PDE4B: variants seen among roughly 807,000 people sequenced by gnomAD.
PDE4B encodes 3',5'-cyclic-AMP phosphodiesterase 4B.
Under a neutral mutation model 82.2 loss-of-function variants are expected in PDE4B, and 20 were observed. The observed-to-expected ratio is 0.24, with a 90% CI of 0.17 to 0.35. PDE4B has a LOEUF of 0.35. Among genes scored for constraint, PDE4B ranks in the 10% least tolerant of loss-of-function variants. The pLI is 1.00. For missense variants in PDE4B, 655 were observed against 907.2 expected (o/e 0.72, Z 3.57); for synonymous variants, 320 against 318.9 (o/e 1.00, Z -0.04).
intron 15 of PDE4B, 80 bp from the exon 16 acceptor site, chr1:66,368,707 G>A (rs371977320): frequency 6.1e-5 from 67 of 1,099,082 alleles, no homozygotes; most frequent in East Asian, 6.1e-4. Flanking sequence ...AGTACCAAGC[G>A]TACTAGTATG....
At chr1:66,323,327 C>A (rs1659536577) in intron 7 of PDE4B, among the ~76,000 whole-genome samples, 1 of 152,246 alleles carries the variant, frequency 6.6e-6, no homozygotes, top group Admixed American at 6.5e-5. Flanking sequence ...CCAAGGCAGG[C>A]CTTCCTTCAC....
intron 3 of PDE4B, among the ~76,000 whole-genome samples, chr1:66,145,806 A>G (rs1356481167): frequency 5.9e-5 from 9 of 152,184 alleles, no homozygotes; most frequent in South Asian, 2.1e-4. Context: ...TGCTTCCCAC[A>G]GTGCATTGTT....
At chr1:66,068,869 G>A (rs984820836) in intron 3 of PDE4B, among the ~76,000 whole-genome samples, 2 of 151,962 alleles carry the variant, frequency 1.3e-5, no homozygotes, top group African/African-American at 2.4e-5. Context: ...GTAACAGATA[G>A]GTACATGTTC....
At chr1:65,835,261 TC>T (rs148532932) in intron 1 of PDE4B, among the ~76,000 whole-genome samples, 2,783 of 152,220 alleles carry the variant, frequency 0.018, 84 homozygotes, top group African/African-American at 0.064. Flanking sequence ...CTAACACTCT[TC>T]AGTTTGTGTA....
At chr1:66,186,010 G>A (rs974636827) in intron 3 of PDE4B, among the ~76,000 whole-genome samples, 1 of 152,144 alleles carries the variant, frequency 6.6e-6, no homozygotes, top group Non-Finnish European at 1.5e-5. Flanking sequence ...ATTAATTTTT[G>A]TATAAGGTGT....
At chr1:66,148,921 G>C (rs982621729) in intron 3 of PDE4B, among the ~76,000 whole-genome samples, 1 of 151,950 alleles carries the variant, frequency 6.6e-6, no homozygotes, top group Non-Finnish European at 1.5e-5. Flanking sequence ...TGAACATTTG[G>C]GTTCTTTCTA....
chr1:65,833,793 T>G (rs553663077), intron 1 of PDE4B, among the ~76,000 whole-genome samples: 1 of 152,344 alleles, frequency 6.6e-6, no homozygotes, highest in South Asian at 2.1e-4. Context: ...TTTTCAGAAA[T>G]TTTTTGAGTC....
At chr1:66,119,261 G>A (rs934888157) in intron 3 of PDE4B, among the ~76,000 whole-genome samples, 11 of 152,176 alleles carry the variant, frequency 7.2e-5, no homozygotes, top group African/African-American at 2.2e-4. Flanking sequence ...TCTTTACCAC[G>A]TAATTTGTGT....
At chr1:66,064,463 A>T (rs753794745) in intron 3 of PDE4B, among the ~76,000 whole-genome samples, 1 of 152,028 alleles carries the variant, frequency 6.6e-6, no homozygotes, top group Non-Finnish European at 1.5e-5. Flanking sequence ...AAGGAAAAAA[A>T]GGAGGCAGTC....
chr1:66,123,169 A>C (rs1645748149), intron 3 of PDE4B, among the ~76,000 whole-genome samples: 1 of 152,144 alleles, frequency 6.6e-6, no homozygotes, highest in Non-Finnish European at 1.5e-5. Flanking sequence ...GGCCCATGAA[A>C]TTTTGATTCC....
intron 16 of PDE4B, 26 bp from the exon 17 acceptor site, chr1:66,372,287 A>T (rs1251956915): frequency 2.5e-6 from 4 of 1,578,212 alleles, no homozygotes; most frequent in African/African-American, 1.4e-5. Flanking sequence ...TCACAATAAC[A>T]GATGTGTCAT....
At chr1:66,185,644 G>C (rs1647175336) in intron 3 of PDE4B, among the ~76,000 whole-genome samples, 1 of 152,166 alleles carries the variant, frequency 6.6e-6, no homozygotes, top group Non-Finnish European at 1.5e-5. Flanking sequence ...GTCTTCTTTT[G>C]AGAAGTGTCT....
chr1:65,793,273 G>T (rs1645594075), intron 1 of PDE4B, 25 bp downstream of exon 1: 1 of 152,434 alleles, frequency 6.6e-6, no homozygotes, highest in African/African-American at 2.4e-5. Context: ...GGAGGCTGCG[G>T]GTTTATTTTT....
chr1:65,862,319 G>A lies in PDE4B; in HGVS notation c.-70-50926G>A, dbSNP rs112852415. 1.8e-3 allele frequency among the ~76,000 whole-genome samples: 280 copies of A among 152,212 alleles called. 1 individual carries two copies. Among genetic ancestry groups the A allele is most frequent in the African/African-American group, 6.4e-3 (267 of 41,534 alleles). On this transcript the variant is annotated intron_variant, in intron 1 of 16. Transcript: ENST00000341517. ...CTATTGAGATAATAATATGGTTTTT[G>A]TTATTATTTCTATTTATGTGATGGA...
chr1:66,258,584 G>A (rs1300359863), intron 6 of PDE4B, among the ~76,000 whole-genome samples: 1 of 152,154 alleles, frequency 6.6e-6, no homozygotes, highest in Non-Finnish European at 1.5e-5. Context: ...GAGGACTGGA[G>A]GAGGCCTTTG....
chr1:65,996,826 G>A (rs975923685), intron 3 of PDE4B, among the ~76,000 whole-genome samples: 1 of 152,150 alleles, frequency 6.6e-6, no homozygotes, highest in African/African-American at 2.4e-5. Flanking sequence ...CATGTAATAA[G>A]TTGCAAAGTG....
At chr1:66,148,687 G>A (rs1279579436) in intron 3 of PDE4B, among the ~76,000 whole-genome samples, 5 of 151,966 alleles carry the variant, frequency 3.3e-5, no homozygotes, top group Non-Finnish European at 5.9e-5. Context: ...TTAGCCCTAG[G>A]CAATACTAAT....
At chr1:65,896,456 G>A (rs1479075747) in intron 1 of PDE4B, among the ~76,000 whole-genome samples, 2 of 152,156 alleles carry the variant, frequency 1.3e-5, no homozygotes, top group East Asian at 1.9e-4. Flanking sequence ...AGATTTGGGT[G>A]AGGACATGGC....
intron 3 of PDE4B, among the ~76,000 whole-genome samples, chr1:66,190,921 T>G (rs1647746316): frequency 6.6e-6 from 1 of 152,164 alleles, no homozygotes; most frequent in Non-Finnish European, 1.5e-5. Flanking sequence ...ACCCGTCTTC[T>G]GCGTCACTCA....
Sources: gnomAD v4.1 joint callset for allele counts (sites outside exome capture counted in the v4.1 genomes callset) on GRCh38, gnomAD v4.1.1 for gene constraint, MANE v1.5 for transcripts, NCBI Gene and HGNC (gene_info 2026-07-23, HGNC 2026-07-21) for gene names.